EXOC4: variants seen among roughly 807,000 people sequenced by gnomAD.
EXOC4 encodes the protein SEC8-like 1.
Under a neutral mutation model 107.2 loss-of-function variants are expected in EXOC4, and 71 were observed. The ratio of observed to expected loss-of-function variants is 0.66; its 90% CI spans 0.55 to 0.81. EXOC4 has a LOEUF of 0.81. Ranked by LOEUF, EXOC4 falls within the 30% of genes least tolerant of loss-of-function variation. EXOC4 has a pLI of 0.00. For missense variants in EXOC4, 1,108 were observed against 1,189.6 expected (o/e 0.93, Z 1.01); for synonymous variants, 456 against 441.2 (o/e 1.03, Z -0.42).
intron 10 of EXOC4, among the ~76,000 whole-genome samples, chr7:133,678,385 CTA>C (rs1327393856): frequency 6.6e-6 from 1 of 152,200 alleles, no homozygotes; most frequent in African/African-American, 2.4e-5. Context: ...GCTTATTGCA[CTA>C]TGTGTTCAGT....
chr7:133,471,641 CAG>C (rs1462829708), intron 7 of EXOC4, among the ~76,000 whole-genome samples: 4 of 152,224 alleles, frequency 2.6e-5, no homozygotes, highest in African/African-American at 9.6e-5. Context: ...GATTAATTTA[CAG>C]AGTTCATTCT....
chr7:133,464,610 A>C (rs1584937576), intron 7 of EXOC4, among the ~76,000 whole-genome samples: 1 of 152,258 alleles, frequency 6.6e-6, no homozygotes, highest in Non-Finnish European at 1.5e-5. Flanking sequence ...CTAAGGACAC[A>C]GAATCCTAAA....
chr7:133,950,155 C>T (rs28529474), intron 14 of EXOC4, among the ~76,000 whole-genome samples: 45,785 of 151,914 alleles, frequency 0.3, 7,303 homozygotes, highest in Non-Finnish European at 0.34. Flanking sequence ...ATTATCAGAA[C>T]TATTATATTA....
the EXOC4 span, among the ~76,000 whole-genome samples, chr7:134,074,145 C>A: frequency 6.6e-6 from 1 of 152,142 alleles, no homozygotes; most frequent in Non-Finnish European, 1.5e-5. Context: ...TTTGGGGGAC[C>A]CAACACTCCA....
chr7:133,757,537 C>T (rs751199065), intron 10 of EXOC4, among the ~76,000 whole-genome samples: 42 of 152,156 alleles, frequency 2.8e-4, no homozygotes, highest in Non-Finnish European at 4.6e-4. Flanking sequence ...AGGCCTATGC[C>T]GTGGAATCCC....
At position 133,712,183 on chromosome 7, in the gene EXOC4, T is replaced by C. The variant is rs113225594; in HGVS notation, c.1514+82042T>C. Among the ~76,000 whole-genome samples the C allele has an allele frequency of 2.4e-3, 367 of 152,258 alleles. 1 individual carries two copies. Among genetic ancestry groups the C allele is most frequent in the South Asian group, 0.013 (63 of 4,822 alleles). On this transcript the variant is annotated intron_variant, in intron 10 of 17. Transcript: ENST00000253861. ...GGCCGGACGCAGTGGCTCACGCCTG[T>C]AATCCCAGCACTCTGGGAGGCCGAG...
chr7:133,346,971 G>A (rs1015718254), intron 5 of EXOC4, among the ~76,000 whole-genome samples: 4 of 152,176 alleles, frequency 2.6e-5, no homozygotes, highest in African/African-American at 9.6e-5. Context: ...ATTTTCTGGG[G>A]TTTGGTGACG....
chr7:133,791,371 C>T (rs972868304), intron 10 of EXOC4, among the ~76,000 whole-genome samples: 3 of 152,248 alleles, frequency 2.0e-5, no homozygotes, highest in Middle Eastern at 6.8e-3. Context: ...ATTGTATGCT[C>T]CATAGAAATA....
chr7:133,368,212 T>G (rs1016468866), intron 6 of EXOC4, among the ~76,000 whole-genome samples: 2 of 152,208 alleles, frequency 1.3e-5, no homozygotes, highest in Non-Finnish European at 1.5e-5. Flanking sequence ...CTCAGTTCAT[T>G]GTAATAGTTT....
At chr7:133,871,183 G>C (rs148266263) in intron 11 of EXOC4, among the ~76,000 whole-genome samples, 2 of 151,960 alleles carry the variant, frequency 1.3e-5, no homozygotes, top group African/African-American at 4.8e-5. Context: ...TGATAGCAGA[G>C]TTATTATACC....
intron 17 of EXOC4, among the ~76,000 whole-genome samples, chr7:134,027,656 CAAA>C (rs11408269): frequency 1.6e-5 from 2 of 124,794 alleles, no homozygotes; most frequent in Non-Finnish European, 1.6e-5. Context: ...GACTCCATCT[CAAA>C]AAAAAAAAAA....
At chr7:133,527,350 G>C (rs1327260521) in intron 9 of EXOC4, among the ~76,000 whole-genome samples, 1 of 152,270 alleles carries the variant, frequency 6.6e-6, no homozygotes, top group East Asian at 1.9e-4. Flanking sequence ...GTTGCAGTGA[G>C]CTGAGATTGC....
intron 11 of EXOC4, among the ~76,000 whole-genome samples, chr7:133,833,990 A>T (rs1403458634): frequency 2.6e-5 from 4 of 152,140 alleles, no homozygotes; most frequent in Admixed American, 2.6e-4. Flanking sequence ...TAGCAGATGG[A>T]ACACACAGGA....
At chr7:133,615,939 A>G (rs1362008795) in intron 9 of EXOC4, among the ~76,000 whole-genome samples, 1 of 152,180 alleles carries the variant, frequency 6.6e-6, no homozygotes, top group Admixed American at 6.5e-5. Flanking sequence ...TGTGTTTAGA[A>G]ACTGTTGATA....
intron 7 of EXOC4, among the ~76,000 whole-genome samples, chr7:133,420,064 C>T (rs1217549225): frequency 6.8e-6 from 1 of 147,552 alleles, no homozygotes; most frequent in African/African-American, 2.5e-5. Flanking sequence ...TGGTGCGCTG[C>T]ACCCACTAAC....
At chr7:133,430,141 G>T (rs559254941) in intron 7 of EXOC4, among the ~76,000 whole-genome samples, 2 of 152,018 alleles carry the variant, frequency 1.3e-5, no homozygotes, top group Non-Finnish European at 2.9e-5. Flanking sequence ...GGCTGTCAGC[G>T]GGATGGGGAG....
intron 11 of EXOC4, among the ~76,000 whole-genome samples, chr7:133,884,832 TCAG>T (rs942269163): frequency 2.0e-5 from 3 of 152,286 alleles, no homozygotes; most frequent in Admixed American, 2.0e-4. Context: ...AACTTTAAAA[TCAG>T]CACATTTTGA....
intron 7 of EXOC4, among the ~76,000 whole-genome samples, chr7:133,440,815 T>C (rs1798086663): frequency 6.6e-6 from 1 of 152,220 alleles, no homozygotes; most frequent in African/African-American, 2.4e-5. Flanking sequence ...ATGAATAATC[T>C]ACCCCTTGTT....
chr7:133,914,982 A>T (rs1268310541), intron 12 of EXOC4, among the ~76,000 whole-genome samples: 2 of 152,270 alleles, frequency 1.3e-5, no homozygotes, highest in African/African-American at 4.8e-5. Context: ...CCATGATACA[A>T]GAGCAGGACA....
Sources: allele counts gnomAD v4.1 joint callset (sites outside exome capture counted in the v4.1 genomes callset), GRCh38; gene constraint gnomAD v4.1.1; transcripts MANE v1.5; gene names NCBI Gene and HGNC (gene_info 2026-07-23, HGNC 2026-07-21).